The following COG6 variants were observed in gnomAD, a reference collection of about 807,000 sequenced individuals.
The protein encoded by COG6 is conserved oligomeric Golgi complex subunit 6.
Under a neutral mutation model 88.8 loss-of-function variants are expected in COG6, and 74 were observed. That is an observed-to-expected ratio of 0.83 (90% CI 0.69 to 1.01). The LOEUF (loss-of-function observed/expected upper bound fraction) is 1.01. Ranked by LOEUF, COG6 falls within the 50% of genes least tolerant of loss-of-function variation. The probability of loss-of-function intolerance (pLI) is 0.00; values close to 1 mark genes in which losing one functional copy is unlikely to be tolerated. For missense variants in COG6, 800 were observed against 797.9 expected, an observed-to-expected ratio of 1.00 and a Z score of -0.03; for synonymous variants, 286 against 278.7, an observed-to-expected ratio of 1.03 and a Z score of -0.26.
At chr13:39,759,992 A>G (rs1880961909) in intron 18 of COG6, among the ~76,000 whole-genome samples, 1 of 152,178 alleles carries the variant, frequency 6.6e-6, no homozygotes, top group African/African-American at 2.4e-5. Context: ...CCAGTCTAGG[A>G]TTTCAAAGTT....
intron 8 of COG6, among the ~76,000 whole-genome samples, chr13:39,684,682 A>T (rs1236578700): frequency 6.6e-6 from 1 of 152,226 alleles, no homozygotes; most frequent in African/African-American, 2.4e-5. Flanking sequence ...TCAAAGTGGT[A>T]GTTTCCTTAC....
chr13:39,727,067 A>G (rs1879170815), intron 17 of COG6, among the ~76,000 whole-genome samples: 1 of 152,044 alleles, frequency 6.6e-6, no homozygotes, highest in Non-Finnish European at 1.5e-5. Flanking sequence ...ATTACTTAAT[A>G]TAGTACCTTT....
chr13:39,784,293 T>C (rs992274750), intron 18 of COG6, among the ~76,000 whole-genome samples: 2 of 152,192 alleles, frequency 1.3e-5, no homozygotes, highest in East Asian at 1.9e-4. Context: ...ATGAGGGTAA[T>C]GGCATGGCCT....
chr13:39,747,312 C>T (rs1028106474), intron 18 of COG6, among the ~76,000 whole-genome samples: 10 of 152,158 alleles, frequency 6.6e-5, no homozygotes, highest in African/African-American at 2.2e-4. Context: ...AGTTCTTGGT[C>T]TTTATAATTT....
intron 18 of COG6, among the ~76,000 whole-genome samples, chr13:39,759,738 C>A (rs1029231368): frequency 1.3e-5 from 2 of 152,110 alleles, no homozygotes; most frequent in African/African-American, 4.8e-5. Flanking sequence ...AGATTAATAA[C>A]AGCATATTAG....
downstream of COG6, among the ~76,000 whole-genome samples, chr13:39,756,042 A>G (rs1880824415): frequency 6.6e-6 from 1 of 152,222 alleles, no homozygotes; most frequent in African/African-American, 2.4e-5. Flanking sequence ...AAAGATTTTA[A>G]CTATTTTAAA....
chr13:39,708,262 A>G (rs1228677311), intron 13 of COG6, among the ~76,000 whole-genome samples: 1 of 152,178 alleles, frequency 6.6e-6, no homozygotes, highest in Non-Finnish European at 1.5e-5. Flanking sequence ...GAGTTTTCAA[A>G]CATGTGTTTG....
At chr13:39,702,618 A>G (rs1877644820) in intron 13 of COG6, among the ~76,000 whole-genome samples, 1 of 152,110 alleles carries the variant, frequency 6.6e-6, no homozygotes, top group Non-Finnish European at 1.5e-5. Context: ...ATTAATATTG[A>G]CACACTAGTG....
intron 17 of COG6, 102 bp downstream of exon 17, chr13:39,724,663 C>G: frequency 1.1e-6 from 1 of 894,242 alleles, no homozygotes; most frequent in East Asian, 2.4e-5. Context: ...CTTTTTATCT[C>G]TTGACATGCT....
At position 39,719,263 on chromosome 13, in the gene COG6, C is replaced by T. The variant is rs561852051; in HGVS notation, c.1312C>T (p.Pro438Ser). The T allele has an allele frequency of 1.2e-5, 20 of 1,612,706 alleles. No homozygotes were observed. The African/African-American group carries it at 2.5e-4, about 20-fold the overall frequency. Residue 438 changes from proline (P) to serine (S), a missense_variant, in exon 14 of 19, where the codon CCA becomes TCA. Physicochemically the swap from Pro to Ser is moderately conservative, Grantham distance 74. Transcript: ENST00000455146. ...TGAACTCCCACCACCTGATCTTGGA[C>T]CAAGTTCTGCACTAAATCAGACACT... ...KVELPPPDLGPSSALNQTLML... is the reference protein window; with the variant it reads ...KVELPPPDLGSSSALNQTLML...
intron 8 of COG6, among the ~76,000 whole-genome samples, chr13:39,683,994 A>G (rs1385292375): frequency 6.6e-6 from 1 of 152,178 alleles, no homozygotes; most frequent in Non-Finnish European, 1.5e-5. Context: ...GTTGATGTGA[A>G]GATTAAGTTA....
intron 18 of COG6, among the ~76,000 whole-genome samples, chr13:39,772,235 C>T (rs4324019): frequency 2.6e-5 from 4 of 152,202 alleles, no homozygotes; most frequent in African/African-American, 9.7e-5. Context: ...CAGTAGTTGT[C>T]AAACTTTTCC....
chr13:39,706,095 A>G (rs556180275), intron 13 of COG6, among the ~76,000 whole-genome samples: 22 of 151,432 alleles, frequency 1.5e-4, no homozygotes, highest in African/African-American at 4.8e-4. Context: ...AATTTTATTG[A>G]CTTAAAAACT....
intron 13 of COG6, among the ~76,000 whole-genome samples, chr13:39,709,721 A>G (rs1289126287): frequency 6.6e-6 from 1 of 152,088 alleles, no homozygotes; most frequent in Non-Finnish European, 1.5e-5. Flanking sequence ...TAACACATAT[A>G]TGTGTGTGTC....
intron 13 of COG6, among the ~76,000 whole-genome samples, chr13:39,715,256 C>CCTCTCTCT (rs10684632): frequency 6.7e-6 from 1 of 149,230 alleles, no homozygotes; most frequent in African/African-American, 2.4e-5. Flanking sequence ...ACTATATACT[C>CCTCTCTCT]CTCTCTCTCT....
intron 18 of COG6, among the ~76,000 whole-genome samples, 166 bp from the exon 19 acceptor site, chr13:39,750,780 C>T (rs1181061499): frequency 6.6e-6 from 1 of 151,970 alleles, no homozygotes; most frequent in Non-Finnish European, 1.5e-5. Context: ...TATATTTTAT[C>T]CCAAAATTAG....
In COG6 at chr13:39,719,756, C is replaced by T. The variant is rs886050228; in HGVS notation, c.1513C>T (p.Leu505=). The change falls in exon 15 of 19, where the codon CTA becomes TTA. Residue 505 remains leucine (L), a synonymous_variant. Coordinates refer to ENST00000455146, the MANE Select transcript of COG6 (RefSeq NM_020751.3). ...ADMATFMVNS[L]YMMKTTLALF... The stretch of plus-strand genomic sequence containing the variant: ...CATGGCCACTTTCATGGTCAATTCA[C>T]TATATATGATGAAGACAACATTAGC... 2.5e-6 allele frequency: 4 copies of T among 1,612,114 alleles called. No homozygotes were observed. In the African/African-American group the frequency reaches 4.0e-5, roughly 16 times the overall value.
chr13:39,751,930 C>A lies in COG6; in HGVS notation c.*837C>A, dbSNP rs1449083918. 4 of 1,227,180 alleles carry A rather than the reference C, an allele frequency of 3.3e-6. No homozygotes were observed. In the East Asian group the frequency reaches 2.3e-4, roughly 69 times the overall value. The allele number at this position is 1,227,180 out of a possible 1,614,324, so 76.0% of individuals were successfully genotyped here. A position where few individuals can be genotyped will look rare whatever the true frequency, so the allele number is the denominator to read the frequency against. Reference sequence around the variant, plus strand: ...CAATATGGGTCCTAAATCCAACCAACTACACATTTTATCTGGTGTTCAAAC... The same window carrying A: ...CAATATGGGTCCTAAATCCAACCAAATACACATTTTATCTGGTGTTCAAAC... On this transcript the variant is annotated 3_prime_UTR_variant, in exon 19 of 19. Transcript: ENST00000455146.
intron 18 of COG6, among the ~76,000 whole-genome samples, chr13:39,747,901 C>A (rs1880425095): frequency 6.6e-6 from 1 of 152,164 alleles, no homozygotes; most frequent in South Asian, 2.1e-4. Context: ...TTAAATACTA[C>A]ATTTACAAGT....
Sources: gnomAD v4.1 joint callset for allele counts (sites outside exome capture counted in the v4.1 genomes callset) on GRCh38, gnomAD v4.1.1 for gene constraint, MANE v1.5 for transcripts, NCBI Gene and HGNC (gene_info 2026-07-23, HGNC 2026-07-21) for gene names.